The following VCPKMT variants were observed in gnomAD, a reference collection of about 807,000 sequenced individuals.
VCPKMT encodes valosin containing protein lysine methyltransferase, also known as protein N-lysine methyltransferase METTL21D.
VCPKMT carries 32 observed loss-of-function variants against 28.6 expected under a neutral mutation model. The observed-to-expected ratio is 1.12, with a 90% confidence interval of 0.84 to 1.50. The LOEUF (loss-of-function observed/expected upper bound fraction) is 1.50, where lower values mean the gene tolerates loss of function less well. Ranked by LOEUF, VCPKMT falls within the 40% of genes most tolerant of loss-of-function variation. The probability of loss-of-function intolerance (pLI) is 0.00; values close to 1 mark genes in which losing one functional copy is unlikely to be tolerated. For synonymous variants in VCPKMT, 138 were observed against 111.4 expected (o/e 1.24, Z -1.50); for missense variants, 366 against 285.0 (o/e 1.28, Z -2.05).
the VCPKMT span, among the ~76,000 whole-genome samples, chr14:50,103,151 C>T: frequency 6.6e-6 from 1 of 152,230 alleles, no homozygotes; most frequent in Non-Finnish European, 1.5e-5. Context: ...TTGCACACCC[C>T]TTCTGAAGTA....
Position 50,116,522 on chromosome 14 carries a change from C to CCTCCAGCGAGGA in VCPKMT, c.19_30dup (p.Ser7_Glu10dup), listed in dbSNP as rs771190155. ...ACTCGCACAAAGCTCCGCAGTGGGT[C>CCTCCAGCGAGGA]CTCCAGCGAGGACTCCAGCGTATCC... is the stretch of plus-strand genomic sequence containing the variant. On this transcript the variant is annotated inframe_insertion, in exon 1 of 6. Coordinates refer to ENST00000395860, the MANE Select transcript of VCPKMT (RefSeq NM_024558.3). 3.1e-6 allele frequency: 5 copies of CCTCCAGCGAGGA among 1,613,262 alleles called. No homozygotes were observed. Among genetic ancestry groups the CCTCCAGCGAGGA allele is most frequent in the East Asian group, 2.2e-5 (1 of 44,866 alleles).
chr14:50,110,760 T>C (rs1161792612), intron 5 of VCPKMT, among the ~76,000 whole-genome samples: 1 of 152,218 alleles, frequency 6.6e-6, no homozygotes, highest in Non-Finnish European at 1.5e-5. Context: ...AGCAGCATTA[T>C]TCATCTCATC....
chr14:50,103,114 TCTC>T, the VCPKMT span, among the ~76,000 whole-genome samples: 4 of 152,346 alleles, frequency 2.6e-5, no homozygotes, highest in African/African-American at 7.2e-5. Flanking sequence ...AGGCAATTCT[TCTC>T]CTTCCAGTGT....
chr14:50,113,812 AC>A (rs1566807844), intron 4 of VCPKMT, among the ~76,000 whole-genome samples: 1 of 17,514 alleles, frequency 5.7e-5, no homozygotes, highest in Non-Finnish European at 1.2e-4. Flanking sequence ...GGGGGGGGTG[AC>A]ACTGAGGCAG....
chr14:50,104,981 A>T (rs940143085), downstream of VCPKMT, among the ~76,000 whole-genome samples: 1 of 152,172 alleles, frequency 6.6e-6, no homozygotes, highest in Non-Finnish European at 1.5e-5. Flanking sequence ...ACAAGAAAAA[A>T]ACTTGTTTTA....
downstream of VCPKMT, among the ~76,000 whole-genome samples, chr14:50,107,719 C>T (rs950837930): frequency 5.3e-5 from 8 of 152,098 alleles, no homozygotes; most frequent in Admixed American, 5.2e-4. Flanking sequence ...AATAGCCGAA[C>T]AGGAAGGGGG....
At chr14:50,106,613 A>C, downstream of VCPKMT, 1 of 985,462 alleles carries the variant, frequency 1.0e-6, no homozygotes, top group Non-Finnish European at 1.2e-6. Flanking sequence ...CATGCTTCGG[A>C]ATCTGCTGCT....
At chr14:50,111,611 C>T (rs1882667864) in intron 5 of VCPKMT, 2 of 985,426 alleles carry the variant, frequency 2.0e-6, no homozygotes, top group Non-Finnish European at 2.4e-6. Context: ...GGCGCAGCAG[C>T]TCACACCTGT....
chr14:50,112,393 G>GAAAAAAA (rs1491164359), intron 5 of VCPKMT, among the ~76,000 whole-genome samples: 1 of 56,414 alleles, frequency 1.8e-5, no homozygotes, highest in Non-Finnish European at 3.2e-5. Context: ...TAAAAAATAC[G>GAAAAAAA]AGAAAAAAAA....
chr14:50,115,603 G>A (rs12895760), intron 3 of VCPKMT, among the ~76,000 whole-genome samples: 45,036 of 152,166 alleles, frequency 0.3, 7,760 homozygotes, highest in Middle Eastern at 0.4. Context: ...AATTTTTACA[G>A]AAGCCTCTAG....
chr14:50,113,887 G>A (rs1310264219), intron 4 of VCPKMT, among the ~76,000 whole-genome samples: 1 of 126,778 alleles, frequency 7.9e-6, no homozygotes, highest in Admixed American at 9.2e-5. Context: ...CTGCACTCCG[G>A]CATGGGCTAC....
intron 4 of VCPKMT, 133 bp downstream of exon 4, chr14:50,114,152 G>T: frequency 1.2e-6 from 1 of 844,636 alleles, no homozygotes; most frequent in South Asian, 3.9e-5. Flanking sequence ...CATGGGCTGT[G>T]AAGATCCTTT....
chr14:50,114,483 G>T, intron 3 of VCPKMT, 79 bp from the exon 4 acceptor site: 3 of 972,664 alleles, frequency 3.1e-6, no homozygotes, highest in Non-Finnish European at 1.4e-6. Flanking sequence ...AGGTACAGGG[G>T]TATTTATAGC....
downstream of VCPKMT, among the ~76,000 whole-genome samples, chr14:50,105,626 G>A (rs1405193086): frequency 6.6e-6 from 1 of 152,030 alleles, no homozygotes; most frequent in East Asian, 1.9e-4. Context: ...GTGAGAGTCC[G>A]TCTCGAAACA....
Position 50,114,417 on chromosome 14 carries a change from G to T in VCPKMT, c.451-13C>A. On this transcript the variant is annotated splice_polypyrimidine_tract_variant and intron_variant, in intron 3 of 5. Transcript: ENST00000395860. ...ATGGCTCCAAAGACTATTTAAAAAA[G>T]AATATATTTTTTGTTTTTGATTTAA... 5 of 1,444,538 alleles carry T rather than the reference G, an allele frequency of 3.5e-6. No homozygotes were observed. Among genetic ancestry groups the T allele is most frequent in the South Asian group, 1.5e-5 (1 of 64,732 alleles). 89.5% of individuals were successfully genotyped at this position (1,444,538 alleles called of 1,614,324 possible).
intron 4 of VCPKMT, 43 bp downstream of exon 4, chr14:50,114,242 G>A (rs769606470): frequency 6.9e-7 from 1 of 1,451,690 alleles, no homozygotes; most frequent in Non-Finnish European, 9.1e-7. Context: ...CAGCCCCCCT[G>A]AAGGGAAATC....
rs762441247 is a variant in VCPKMT at position 50,116,068 on chromosome 14, C to A, written c.377+1G>T. ...AAAACAAGCTGAAAGGCCATACAAA[C>A]CATTTCAGTACCTTGGCTTGAACAG... On this transcript the variant is annotated splice_donor_variant, in intron 2 of 5. Coordinates refer to ENST00000395860, the MANE Select transcript of VCPKMT (RefSeq NM_024558.3). LOFTEE classifies it high-confidence loss of function. 6.2e-7 allele frequency: 1 copy of A among 1,606,856 alleles called. No homozygotes were observed. Among genetic ancestry groups the A allele is most frequent in the South Asian group, 1.1e-5 (1 of 90,576 alleles).
In VCPKMT at chr14:50,116,156, A is replaced by G; in HGVS notation, c.290T>C (p.Leu97Pro). 1 of 1,614,114 alleles carries G rather than the reference A, an allele frequency of 6.2e-7. No individual in the cohort carries two copies. The highest frequency in any genetic ancestry group is 8.5e-7 in the Non-Finnish European group (1 of 1,180,048). The change falls in exon 2 of 6, where the codon CTT (leucine) becomes CCT (proline). Residue 97 changes from leucine (L) to proline (P), a missense_variant. By Grantham distance (98) the Leu-to-Pro change is moderately conservative. Transcript: ENST00000395860. The stretch of plus-strand genomic sequence containing the variant: ...CTTCAGCAAGTCTTGCAATTCCTCA[A>G]GATCGGTGACTACAACATCAGCCCT... ...TLGADVVVTD[L>P]EELQDLLKMN...
chr14:50,103,248 G>T, the VCPKMT span, among the ~76,000 whole-genome samples: 2 of 151,196 alleles, frequency 1.3e-5, no homozygotes, highest in Admixed American at 6.6e-5. Flanking sequence ...AAAAGACATG[G>T]TCAGTTAGCC....
Sources: allele counts gnomAD v4.1 joint callset (sites outside exome capture counted in the v4.1 genomes callset), GRCh38; gene constraint gnomAD v4.1.1; transcripts MANE v1.5; gene names NCBI Gene and HGNC (gene_info 2026-07-23, HGNC 2026-07-21).